ME3: variants seen among roughly 807,000 people sequenced by gnomAD.
ME3 encodes the protein malic enzyme 3.
A neutral mutation model predicts 68.9 loss-of-function variants in ME3; 48 were observed. The observed-to-expected ratio is 0.70, with a 90% CI of 0.55 to 0.89. ME3 has a LOEUF of 0.89. Ranked by LOEUF, ME3 falls within the 40% of genes least tolerant of loss-of-function variation. The probability of loss-of-function intolerance (pLI) is 0.00; values close to 1 mark genes in which losing one functional copy is unlikely to be tolerated. For synonymous variants in ME3, 320 were observed against 318.8 expected, an observed-to-expected ratio of 1.00 and a Z score of -0.04; for missense variants, 675 against 797.4, an observed-to-expected ratio of 0.85 and a Z score of 1.85.
At position 86,635,152 on chromosome 11, in the gene ME3, G is replaced by A. The variant is rs371395795; in HGVS notation, c.183+36610C>T. On this transcript the variant is annotated intron_variant, in intron 2 of 14. Transcript: ENST00000543262. ...AAATCCCTACAAAAATTAGCCAGGC[G>A]TGGTAGTGCACACCTGTAGTCACAG... Among the ~76,000 whole-genome samples the A allele has an allele frequency of 9.8e-5, 15 of 152,288 alleles. No individual in the cohort carries two copies. In the South Asian group the frequency reaches 2.3e-3, roughly 23 times the overall value.
At chr11:86,442,170 C>T (rs1442372695) in intron 14 of ME3, among the ~76,000 whole-genome samples, 1 of 152,154 alleles carries the variant, frequency 6.6e-6, no homozygotes, top group African/African-American at 2.4e-5. Flanking sequence ...TGGGCCAGTC[C>T]TTATTGCACC....
intron 4 of ME3, among the ~76,000 whole-genome samples, chr11:86,529,985 G>A (rs1432461260): frequency 2.0e-5 from 3 of 152,128 alleles, no homozygotes; most frequent in African/African-American, 4.8e-5. Flanking sequence ...ATTCAACATA[G>A]TGTTGGAAGT....
chr11:86,641,038 G>A (rs989227608), intron 2 of ME3, among the ~76,000 whole-genome samples: 2 of 23,852 alleles, frequency 8.4e-5, no homozygotes, highest in South Asian at 1.2e-3. Flanking sequence ...AATTTCACTG[G>A]GGGGGGGGGT....
chr11:86,493,866 C>T (rs1790027618), intron 6 of ME3, among the ~76,000 whole-genome samples: 1 of 152,116 alleles, frequency 6.6e-6, no homozygotes, highest in Admixed American at 6.5e-5. Context: ...TTTATAGAGA[C>T]ATACATACAC....
At chr11:86,526,182 G>A (rs1328207200) in intron 4 of ME3, among the ~76,000 whole-genome samples, 1 of 152,202 alleles carries the variant, frequency 6.6e-6, no homozygotes, top group African/African-American at 2.4e-5. Context: ...ATACTGCGCT[G>A]TTCCAACAGT....
chr11:86,443,006 C>A, intron 13 of ME3, 87 bp from the exon 14 acceptor site: 1 of 1,013,478 alleles, frequency 9.9e-7, no homozygotes, highest in South Asian at 1.5e-5. Flanking sequence ...AGACTCACCC[C>A]ACCCTGCATA....
intron 2 of ME3, among the ~76,000 whole-genome samples, chr11:86,661,253 A>AT (rs1374991003): frequency 6.6e-6 from 1 of 152,264 alleles, no homozygotes; most frequent in Non-Finnish European, 1.5e-5. Flanking sequence ...TAGAGGATGA[A>AT]TGAATTACTG....
chr11:86,442,224 T>C (rs1261544549), intron 14 of ME3, among the ~76,000 whole-genome samples: 1 of 152,222 alleles, frequency 6.6e-6, no homozygotes, highest in Non-Finnish European at 1.5e-5. Context: ...CACAGTCTTA[T>C]AGTCTGGAAT....
chr11:86,435,536 C>G, the ME3 span: 1 of 152,176 alleles, frequency 6.6e-6, no homozygotes, highest in African/African-American at 2.4e-5. Flanking sequence ...AAGGGAAACC[C>G]AGAAAAGCTT....
intron 2 of ME3, among the ~76,000 whole-genome samples, chr11:86,628,458 T>C (rs1943801740): frequency 6.6e-6 from 1 of 152,230 alleles, no homozygotes; most frequent in South Asian, 2.1e-4. Context: ...CTTTTAAAAA[T>C]TCTGACGCCT....
intron 2 of ME3, among the ~76,000 whole-genome samples, chr11:86,657,533 T>G (rs1209817946): frequency 2.0e-5 from 3 of 152,124 alleles, no homozygotes; most frequent in Admixed American, 1.3e-4. Context: ...GATGGGTTGA[T>G]GGGTGCAGGA....
intron 2 of ME3, among the ~76,000 whole-genome samples, chr11:86,599,666 G>T (rs1960237860): frequency 6.6e-6 from 1 of 152,138 alleles, no homozygotes; most frequent in Non-Finnish European, 1.5e-5. Context: ...CACCAAAGTT[G>T]AAATGAAGGA....
At chr11:86,608,330 G>A (rs1395443841) in intron 2 of ME3, among the ~76,000 whole-genome samples, 1 of 152,138 alleles carries the variant, frequency 6.6e-6, no homozygotes, top group African/African-American at 2.4e-5. Context: ...ATTACTAGGA[G>A]GGGCCACTAT....
chr11:86,500,316 T>C (rs1420513764), intron 5 of ME3, among the ~76,000 whole-genome samples: 1 of 152,242 alleles, frequency 6.6e-6, no homozygotes, highest in Non-Finnish European at 1.5e-5. Context: ...AACCCTAGGA[T>C]GGTGACAGGG....
intron 7 of ME3, among the ~76,000 whole-genome samples, chr11:86,473,986 G>T (rs1950921179): frequency 6.6e-6 from 1 of 152,210 alleles, no homozygotes; most frequent in Admixed American, 6.5e-5. Context: ...GCCATATAAG[G>T]CAGAGATTTC....
intron 5 of ME3, among the ~76,000 whole-genome samples, chr11:86,501,019 A>G (rs118043104): frequency 1.8e-3 from 273 of 152,278 alleles, no homozygotes; most frequent in Non-Finnish European, 2.8e-3. Flanking sequence ...TTGTTTTAAA[A>G]TGCACATTTT....
At chr11:86,450,373 C>T in exon 9 of ME3, 2 of 1,614,094 alleles carry the variant, frequency 1.2e-6, no homozygotes, top group Non-Finnish European at 1.7e-6. Context: ...CAGCCAAGAT[C>T]CCTGCCACAG....
intron 4 of ME3, among the ~76,000 whole-genome samples, chr11:86,532,821 A>G (rs1336340198): frequency 6.6e-6 from 1 of 152,242 alleles, no homozygotes; most frequent in Non-Finnish European, 1.5e-5. Flanking sequence ...GCATTTTGGG[A>G]GACCAAGGTG....
At chr11:86,447,009 C>T in intron 12 of ME3, 56 bp downstream of exon 12, 1 of 1,586,182 alleles carries the variant, frequency 6.3e-7, no homozygotes, top group African/African-American at 1.3e-5. Context: ...TGAGGTTACT[C>T]ATTGTAATTG....
Sources: gnomAD v4.1 joint callset for allele counts (sites outside exome capture counted in the v4.1 genomes callset) on GRCh38, gnomAD v4.1.1 for gene constraint, MANE v1.5 for transcripts, NCBI Gene and HGNC (gene_info 2026-07-23, HGNC 2026-07-21) for gene names.